Variants in TMEM156 observed in about 807,000 individuals in gnomAD.
The protein encoded by TMEM156 is transmembrane protein 156.
In TMEM156, 28 loss-of-function variants were observed where a neutral mutation model predicts 30.5. That is an observed-to-expected ratio of 0.92 (90% CI 0.68 to 1.26). TMEM156 has a LOEUF of 1.26. Among genes scored for constraint, TMEM156 ranks in the 50% most tolerant of loss-of-function variants. The pLI is 0.00. For synonymous variants in TMEM156, 137 were observed against 119.9 expected, an observed-to-expected ratio of 1.14 and a Z score of -0.93; for missense variants, 351 against 340.6, an observed-to-expected ratio of 1.03 and a Z score of -0.24.
At chr4:38,995,990 A>G (rs569847988) in intron 2 of TMEM156, among the ~76,000 whole-genome samples, 2 of 152,290 alleles carry the variant, frequency 1.3e-5, no homozygotes, top group Non-Finnish European at 2.9e-5. Flanking sequence ...TGAAAAGGCA[A>G]CCTACAGAAT....
intron 2 of TMEM156, among the ~76,000 whole-genome samples, chr4:38,996,406 C>CAAA (rs57823248): frequency 1.5e-4 from 17 of 117,096 alleles, no homozygotes; most frequent in African/African-American, 4.7e-4. Flanking sequence ...ACTAAAAATA[C>CAAA]AAAAAAAAAA....
At chr4:39,030,801 C>G (rs1477185662) in intron 1 of TMEM156, among the ~76,000 whole-genome samples, 1 of 152,092 alleles carries the variant, frequency 6.6e-6, no homozygotes, top group Non-Finnish European at 1.5e-5. Context: ...TGAGCTTACT[C>G]TCAGCCCACA....
chr4:38,992,815 G>A (rs1190492646), intron 3 of TMEM156, among the ~76,000 whole-genome samples: 16 of 147,148 alleles, frequency 1.1e-4, no homozygotes, highest in African/African-American at 4.0e-4. Flanking sequence ...AGGCTGGAGT[G>A]CAGCAGCGCG....
At chr4:38,988,298 A>G (rs1577527441) in intron 4 of TMEM156, among the ~76,000 whole-genome samples, 1 of 152,170 alleles carries the variant, frequency 6.6e-6, no homozygotes, top group South Asian at 2.1e-4. Flanking sequence ...ATCTCAGCTC[A>G]CTGCAACCTC....
At chr4:39,006,406 A>AT (rs1473717218) in intron 1 of TMEM156, among the ~76,000 whole-genome samples, 1 of 151,846 alleles carries the variant, frequency 6.6e-6, no homozygotes, top group African/African-American at 2.4e-5. Context: ...AATTCTCTAC[A>AT]TTTTTTATCA....
At chr4:38,978,663 T>C (rs942903944) in intron 5 of TMEM156, among the ~76,000 whole-genome samples, 4 of 152,154 alleles carry the variant, frequency 2.6e-5, no homozygotes, top group African/African-American at 9.7e-5. Flanking sequence ...ACACACAAAT[T>C]CATCTTCAAA....
At chr4:38,984,087 G>T (rs775044296) in intron 5 of TMEM156, among the ~76,000 whole-genome samples, 1 of 152,312 alleles carries the variant, frequency 6.6e-6, no homozygotes, top group Admixed American at 6.5e-5. Flanking sequence ...AAGCTGTCAC[G>T]CTTCTCAAAG....
At chr4:38,974,745 C>T (rs1479029887) in intron 5 of TMEM156, among the ~76,000 whole-genome samples, 1 of 150,322 alleles carries the variant, frequency 6.7e-6, no homozygotes, top group Non-Finnish European at 1.5e-5. Context: ...GATCTTGGCT[C>T]ACTGCAACCT....
rs183709435 is a variant in TMEM156, at chr4:38,987,996, C to A, written c.739+855G>T. Reference sequence around the variant, plus strand: ...TAGAGCCAGTATTTGCATGGGTACACACCGGTAGCATCATACCAGTAATTT... The same window carrying A: ...TAGAGCCAGTATTTGCATGGGTACAAACCGGTAGCATCATACCAGTAATTT... On this transcript the variant is annotated intron_variant, in intron 4 of 6. Coordinates refer to ENST00000381938, the MANE Select transcript of TMEM156 (RefSeq NM_024943.3). 5.7e-4 allele frequency among the ~76,000 whole-genome samples: 87 copies of A among 152,268 alleles called. 2 individuals are homozygous for A. In the Middle Eastern group the frequency reaches 0.017, roughly 30 times the overall value.
chr4:38,996,491 G>GA, intron 2 of TMEM156, among the ~76,000 whole-genome samples: 1 of 152,124 alleles, frequency 6.6e-6, no homozygotes, highest in Non-Finnish European at 1.5e-5. Context: ...AGAATCGCTT[G>GA]AAACTAGGAG....
intron 3 of TMEM156, among the ~76,000 whole-genome samples, chr4:38,992,702 T>TATATATTATATATATATA (rs1712574006): frequency 2.1e-5 from 1 of 48,762 alleles, no homozygotes; most frequent in African/African-American, 8.6e-5. Context: ...TATTATATAA[T>TATATATTATATATATATA]ATATATATAT....
Position 39,004,900 on chromosome 4 carries a change from A to G in TMEM156, c.89-5991T>C, listed in dbSNP as rs1713621798. Among the ~76,000 whole-genome samples the G allele has an allele frequency of 2.0e-5, 3 of 152,196 alleles. No individual in the cohort carries two copies. The South Asian group carries it at 6.2e-4, about 31-fold the overall frequency. On this transcript the variant is annotated intron_variant, in intron 1 of 6. Coordinates refer to ENST00000381938, the MANE Select transcript of TMEM156 (RefSeq NM_024943.3). ...AGAAATTTACACAAGAGAAATAAAA[A>G]CATATGTCCACATGAAGACCTGTAC...
intron 1 of TMEM156, 108 bp from the exon 2 acceptor site, chr4:38,999,017 T>C (rs1713137258): frequency 5.9e-6 from 5 of 846,306 alleles, no homozygotes; most frequent in South Asian, 4.6e-5. Context: ...ATTCAGTACA[T>C]TTCAGCTTAT....
intron 1 of TMEM156, among the ~76,000 whole-genome samples, chr4:39,016,297 C>T (rs958522770): frequency 6.6e-5 from 10 of 151,408 alleles, no homozygotes; most frequent in African/African-American, 1.2e-4. Context: ...TGCTTGAACC[C>T]GGGAGGCAGA....
At chr4:39,026,209 CA>C (rs879477051) in intron 1 of TMEM156, among the ~76,000 whole-genome samples, 11 of 152,050 alleles carry the variant, frequency 7.2e-5, no homozygotes, top group Admixed American at 7.2e-4. Flanking sequence ...GAAGATATAT[CA>C]CCATATGAAT....
At chr4:39,011,166 C>T (rs1323660308) in intron 1 of TMEM156, among the ~76,000 whole-genome samples, 1 of 152,172 alleles carries the variant, frequency 6.6e-6, no homozygotes, top group African/African-American at 2.4e-5. Flanking sequence ...TGCTCAACAT[C>T]ACTAATTGTT....
At chr4:38,976,289 C>CAG (rs1722846625) in intron 5 of TMEM156, among the ~76,000 whole-genome samples, 1 of 74,322 alleles carries the variant, frequency 1.3e-5, no homozygotes, top group Non-Finnish European at 2.5e-5. Flanking sequence ...GACTCCGTCT[C>CAG]AAAAAAAAAA....
rs568454860 is a variant in TMEM156, at chr4:39,015,508, G to A, written c.89-16599C>T. Among the ~76,000 whole-genome samples the A allele has an allele frequency of 2.0e-5, 3 of 152,290 alleles. No homozygotes were observed. In the South Asian group the frequency reaches 6.2e-4, roughly 32 times the overall value. On this transcript the variant is annotated intron_variant, in intron 1 of 6. Coordinates refer to ENST00000381938, the MANE Select transcript of TMEM156 (RefSeq NM_024943.3). ...AGACAGCTTCCAGAAGCTGGAAACA[G>A]CCAGAAAATGGATTCTAGTCTAGAG...
At chr4:38,993,161 G>A (rs2109954740) in intron 3 of TMEM156, among the ~76,000 whole-genome samples, 1 of 152,124 alleles carries the variant, frequency 6.6e-6, no homozygotes, top group South Asian at 2.1e-4. Flanking sequence ...ATTCTGTGGT[G>A]GCTCATACCT....
Sources: allele counts gnomAD v4.1 joint callset (sites outside exome capture counted in the v4.1 genomes callset), GRCh38; gene constraint gnomAD v4.1.1; transcripts MANE v1.5; gene names NCBI Gene and HGNC (gene_info 2026-07-23, HGNC 2026-07-21).